TEX11: variants seen among roughly 807,000 people sequenced by gnomAD.
TEX11 encodes the protein testis-expressed protein 11.
A neutral mutation model predicts 84.4 loss-of-function variants in TEX11; 7 were observed. That is an observed-to-expected ratio of 0.08 (90% CI 0.05 to 0.16). TEX11 has a LOEUF of 0.16. TEX11 is among the 10% of genes least tolerant of loss of function. The pLI is 1.00. For missense variants in TEX11, 551 were observed against 660.5 expected (o/e 0.83, Z 1.82); for synonymous variants, 264 against 222.8 (o/e 1.18, Z -1.64).
chrX:70,842,919 C>T (rs1021936228), intron 7 of TEX11, among the ~76,000 whole-genome samples: 16 of 111,562 alleles, frequency 1.4e-4, no homozygotes, highest in Non-Finnish European at 2.6e-4. Context: ...ATCCAACTTA[C>T]AAGGGATGTG....
intron 2 of TEX11, among the ~76,000 whole-genome samples, chrX:70,906,121 ATATATATATAT>A (rs1299996242): frequency 2.2e-4 from 15 of 68,766 alleles, no homozygotes; most frequent in South Asian, 9.0e-4. Context: ...ATATATATAT[ATATATATATAT>A]ATCACAATGC....
chrX:70,593,500 T>C (rs758261417), intron 24 of TEX11, among the ~76,000 whole-genome samples: 2 of 111,992 alleles, frequency 1.8e-5, no homozygotes, highest in Non-Finnish European at 3.8e-5. Flanking sequence ...CAGGAAAGTG[T>C]GACTTCTACA....
At chrX:70,628,686 AATG>A (rs1455741944) in intron 18 of TEX11, among the ~76,000 whole-genome samples, 1 of 112,130 alleles carries the variant, frequency 8.9e-6, no homozygotes. Flanking sequence ...ATACAGTTTG[AATG>A]ATATGTATTT....
downstream of TEX11, among the ~76,000 whole-genome samples, chrX:70,526,600 G>C (rs904117957): frequency 4.5e-5 from 5 of 110,023 alleles, 1 homozygote; most frequent in African/African-American, 1.6e-4. Context: ...AAAGAAAATG[G>C]AGCTATCAGT....
At chrX:70,766,597 G>A (rs2090942261) in intron 9 of TEX11, among the ~76,000 whole-genome samples, 1 of 110,103 alleles carries the variant, frequency 9.1e-6, no homozygotes, top group Non-Finnish European at 1.9e-5. Flanking sequence ...AAATACCAAT[G>A]ACATTCTTCA....
At chrX:70,900,392 A>AGAAG (rs1306462034) in intron 2 of TEX11, among the ~76,000 whole-genome samples, 868 of 26,932 alleles carry the variant, frequency 0.032, 7 homozygotes, top group Middle Eastern at 0.065. Context: ...AAAAAAAAAA[A>AGAAG]AAAAAGAAGA....
In TEX11 at chrX:70,552,112, A is replaced by G. The variant is rs1181500484; in HGVS notation, c.2520+14T>C. On this transcript the variant is annotated intron_variant, in intron 28 of 29. Transcript: ENST00000374333. ...TAAAATTAACTGAAAGTTTAATATC[A>G]CTATTTGACTTACAGTGCGGCTAAT... 1 of 1,201,322 alleles carries G rather than the reference A, an allele frequency of 8.3e-7. No homozygotes were observed. Among genetic ancestry groups the G allele is most frequent in the Non-Finnish European group, 1.1e-6 (1 of 892,414 alleles).
At chrX:70,647,343 T>C (rs958947115) in intron 17 of TEX11, among the ~76,000 whole-genome samples, 5 of 111,656 alleles carry the variant, frequency 4.5e-5, no homozygotes, top group Non-Finnish European at 5.6e-5. Flanking sequence ...ATGGTGACTA[T>C]AGATTATAAC....
intron 9 of TEX11, among the ~76,000 whole-genome samples, chrX:70,788,971 TATAGAGAGAGAGAGAG>T (rs1170240750): frequency 1.6e-3 from 31 of 18,864 alleles, no homozygotes; most frequent in Non-Finnish European, 2.3e-3. Flanking sequence ...TATATATATA[TATAGAGAGAGAGAGAG>T]AGAGAGAGAG....
At chrX:70,624,601 C>G (rs2089430242) in intron 19 of TEX11, among the ~76,000 whole-genome samples, 1 of 112,059 alleles carries the variant, frequency 8.9e-6, no homozygotes, top group African/African-American at 3.2e-5. Context: ...AATGTGGCCT[C>G]AAGTGTAATT....
intron 9 of TEX11, among the ~76,000 whole-genome samples, chrX:70,769,662 TC>T (rs1168399807): frequency 8.9e-6 from 1 of 111,939 alleles, no homozygotes; most frequent in African/African-American, 3.2e-5. Context: ...AAAAGACTCT[TC>T]TTTCTCTTAA....
At chrX:70,671,537 C>A (rs1243326302) in intron 15 of TEX11, among the ~76,000 whole-genome samples, 1 of 110,191 alleles carries the variant, frequency 9.1e-6, no homozygotes, top group East Asian at 2.9e-4. Context: ...TTCAGCAAGA[C>A]TGGAAAATGA....
chrX:70,621,879 C>T (rs949795348), intron 20 of TEX11, among the ~76,000 whole-genome samples: 7 of 109,252 alleles, frequency 6.4e-5, no homozygotes, highest in African/African-American at 2.0e-4. Context: ...CTGCTTAATT[C>T]GGTGACTTCA....
chrX:70,734,866 C>A (rs1385948525), intron 11 of TEX11, among the ~76,000 whole-genome samples: 1 of 111,321 alleles, frequency 9.0e-6, no homozygotes, highest in African/African-American at 3.3e-5. Context: ...TATACTAAAC[C>A]CACAGCTAAC....
chrX:70,715,049 T>C (rs936956051), intron 13 of TEX11, among the ~76,000 whole-genome samples: 2 of 111,614 alleles, frequency 1.8e-5, no homozygotes, highest in Non-Finnish European at 3.8e-5. Context: ...CCTTCACTTA[T>C]GAAGCTTAGT....
chrX:70,520,767 C>T, the TEX11 span, among the ~76,000 whole-genome samples: 1 of 112,192 alleles, frequency 8.9e-6, no homozygotes, highest in Admixed American at 9.4e-5. Context: ...GCAGGCAGGC[C>T]TCATTGAGCT....
chrX:70,622,727 T>A (rs2089409289), intron 20 of TEX11, among the ~76,000 whole-genome samples: 1 of 111,815 alleles, frequency 8.9e-6, no homozygotes, highest in Admixed American at 9.5e-5. Flanking sequence ...TAATGAATCC[T>A]CATGTACCTA....
chrX:70,721,197 T>C (rs1040364088), intron 13 of TEX11, among the ~76,000 whole-genome samples: 1 of 111,458 alleles, frequency 9.0e-6, no homozygotes, highest in Non-Finnish European at 1.9e-5. Context: ...TAATGAAAAT[T>C]GTATAAAATA....
At chrX:70,532,709 G>C (rs1344110026) in intron 28 of TEX11, among the ~76,000 whole-genome samples, 2 of 110,493 alleles carry the variant, frequency 1.8e-5, no homozygotes, top group Non-Finnish European at 3.8e-5. Context: ...ACTCCAGCCT[G>C]GGCAACAAGA....
Sources: allele counts gnomAD v4.1 joint callset (sites outside exome capture counted in the v4.1 genomes callset), GRCh38; gene constraint gnomAD v4.1.1; transcripts MANE v1.5; gene names NCBI Gene and HGNC (gene_info 2026-07-23, HGNC 2026-07-21).